The following DOCK1 variants were observed in gnomAD, a reference collection of about 807,000 sequenced individuals.
The protein encoded by DOCK1 is dedicator of cytokinesis protein 1.
DOCK1 carries 138 observed loss-of-function variants against 262.7 expected under a neutral mutation model. The ratio of observed to expected loss-of-function variants is 0.53; its 90% CI spans 0.46 to 0.61. DOCK1 has a LOEUF of 0.61. Ranked by LOEUF, DOCK1 falls within the 20% of genes least tolerant of loss-of-function variation. The probability of loss-of-function intolerance (pLI) is 0.00; values close to 1 mark genes in which losing one functional copy is unlikely to be tolerated. For missense variants in DOCK1, 1,908 were observed against 2,370.7 expected, an observed-to-expected ratio of 0.80 and a Z score of 4.05; for synonymous variants, 866 against 867.4, an observed-to-expected ratio of 1.00 and a Z score of 0.03.
chr10:127,345,849 G>A (rs770820752), intron 31 of DOCK1, among the ~76,000 whole-genome samples: 30 of 152,196 alleles, frequency 2.0e-4, no homozygotes, highest in Non-Finnish European at 3.8e-4. Flanking sequence ...GGGAAGGGAG[G>A]GATGGTGCTT....
At chr10:126,918,785 GA>G (rs796814755) in intron 1 of DOCK1, among the ~76,000 whole-genome samples, 4 of 152,336 alleles carry the variant, frequency 2.6e-5, no homozygotes, top group African/African-American at 9.6e-5. Flanking sequence ...TGTTACTAAT[GA>G]TACTGTGTTA....
intron 49 of DOCK1, among the ~76,000 whole-genome samples, chr10:127,440,939 C>CCAGAG (rs1282254629): frequency 6.6e-6 from 1 of 152,236 alleles, no homozygotes; most frequent in African/African-American, 2.4e-5. Flanking sequence ...GCCCACCACC[C>CCAGAG]CAGAGGCTGG....
At chr10:127,030,830 A>G (rs1591741631) in intron 16 of DOCK1, among the ~76,000 whole-genome samples, 1 of 150,782 alleles carries the variant, frequency 6.6e-6, no homozygotes, top group Non-Finnish European at 1.5e-5. Context: ...CTCTATCTCT[A>G]TCTCTGTCTC....
intron 27 of DOCK1, among the ~76,000 whole-genome samples, chr10:127,245,465 A>G (rs2059401175): frequency 6.6e-6 from 1 of 152,172 alleles, no homozygotes; most frequent in Non-Finnish European, 1.5e-5. Flanking sequence ...GCAGTTAAAC[A>G]AGGGGCCGCG....
At chr10:127,177,512 GAGA>G (rs1461262053) in intron 27 of DOCK1, among the ~76,000 whole-genome samples, 1 of 152,228 alleles carries the variant, frequency 6.6e-6, no homozygotes, top group African/African-American at 2.4e-5. Flanking sequence ...CCTTGTGTTT[GAGA>G]AGAAAACAGT....
In DOCK1 at chr10:127,409,355, C is replaced by T. The variant is rs1359007352; in HGVS notation, c.4307C>T (p.Pro1436Leu). 3 of 1,613,984 alleles carry T rather than the reference C, an allele frequency of 1.9e-6. No homozygotes were observed. Among genetic ancestry groups the T allele is most frequent in the African/African-American group, 2.7e-5 (2 of 75,034 alleles). The part of the protein sequence containing the change: ...FTVKPKLDLP[P>L]KFHRPVSEQI... ...GTGAAGCCCAAACTCGATCTGCCTC[C>T]TAAGTTTCACAGGCCAGTGTCAGAG... Residue 1436 changes from proline (P) to leucine (L), a missense_variant, in exon 42 of 52, where the codon CCT becomes CTT. Transcript: ENST00000623213.
At chr10:127,030,135 G>A (rs2043137370) in intron 16 of DOCK1, among the ~76,000 whole-genome samples, 1 of 152,112 alleles carries the variant, frequency 6.6e-6, no homozygotes, top group African/African-American at 2.4e-5. Context: ...GGGATCCGAC[G>A]GTAAATATTT....
intron 1 of DOCK1, among the ~76,000 whole-genome samples, chr10:126,924,935 A>G (rs2134133824): frequency 6.6e-6 from 1 of 152,376 alleles, no homozygotes; most frequent in East Asian, 1.9e-4. Flanking sequence ...CCATTGTACA[A>G]ACTCAGTATT....
At chr10:127,135,390 A>G (rs939686675) in intron 27 of DOCK1, 6 of 152,478 alleles carry the variant, frequency 3.9e-5, no homozygotes, top group African/African-American at 1.2e-4. Context: ...ATGTTCCCCA[A>G]TTTTTGAGGC....
chr10:127,433,182 G>T (rs769595281), intron 47 of DOCK1, 101 bp from the exon 48 acceptor site: 7 of 1,480,338 alleles, frequency 4.7e-6, no homozygotes, highest in Non-Finnish European at 6.4e-6. Flanking sequence ...GAACGATGAT[G>T]GTCTCGATTC....
intron 21 of DOCK1, among the ~76,000 whole-genome samples, chr10:127,047,476 A>G (rs1538787): frequency 0.25 from 37,934 of 152,140 alleles, 4,666 homozygotes; most frequent in Middle Eastern, 0.34. Flanking sequence ...ATATGTCTGC[A>G]TATTTTACAA....
intron 46 of DOCK1, 150 bp downstream of exon 46, chr10:127,419,899 G>C: frequency 2.5e-6 from 2 of 790,356 alleles, no homozygotes; most frequent in Non-Finnish European, 4.0e-6. Flanking sequence ...CCCACCCACT[G>C]CTGTCGTGAT....
intron 27 of DOCK1, among the ~76,000 whole-genome samples, chr10:127,183,232 A>T (rs905720178): frequency 6.6e-6 from 1 of 152,044 alleles, no homozygotes. Flanking sequence ...AGGATACCCT[A>T]TTGGGACAAT....
intron 1 of DOCK1, among the ~76,000 whole-genome samples, chr10:126,934,604 A>C (rs2034425352): frequency 6.6e-6 from 1 of 152,160 alleles, no homozygotes; most frequent in South Asian, 2.1e-4. Flanking sequence ...AATCTCTTTA[A>C]ATCCACATTG....
At chr10:127,061,042 A>G (rs1177023821) in intron 22 of DOCK1, among the ~76,000 whole-genome samples, 1 of 152,194 alleles carries the variant, frequency 6.6e-6, no homozygotes, top group African/African-American at 2.4e-5. Flanking sequence ...CAGCCTGGCC[A>G]ACATGGTGTA....
intron 29 of DOCK1, among the ~76,000 whole-genome samples, chr10:127,292,376 T>A (rs1293622308): frequency 6.6e-6 from 1 of 152,148 alleles, no homozygotes; most frequent in African/African-American, 2.4e-5. Flanking sequence ...CGCTCTCCAC[T>A]GGCCACCTCT....
intron 47 of DOCK1, among the ~76,000 whole-genome samples, chr10:127,431,390 C>G (rs1218841324): frequency 6.6e-6 from 1 of 152,212 alleles, no homozygotes; most frequent in Non-Finnish European, 1.5e-5. Flanking sequence ...GAGTCATCCT[C>G]CTGCCAACCC....
At chr10:127,067,519 A>ATG (rs143664474) in intron 23 of DOCK1, among the ~76,000 whole-genome samples, 22 of 151,678 alleles carry the variant, frequency 1.5e-4, no homozygotes, top group East Asian at 1.2e-3. Flanking sequence ...TGTGCATTGT[A>ATG]TGTGTGTGTG....
intron 11 of DOCK1, among the ~76,000 whole-genome samples, chr10:127,009,401 G>A (rs1365161059): frequency 6.6e-6 from 1 of 152,156 alleles, no homozygotes; most frequent in Non-Finnish European, 1.5e-5. Context: ...TATCTGATTT[G>A]TGGGTAGAAC....
Sources: allele counts gnomAD v4.1 joint callset (sites outside exome capture counted in the v4.1 genomes callset), GRCh38; gene constraint gnomAD v4.1.1; transcripts MANE v1.5; gene names NCBI Gene and HGNC (gene_info 2026-07-23, HGNC 2026-07-21).